ANKMY1: variants seen among roughly 807,000 people sequenced by gnomAD.
ANKMY1 encodes ankyrin repeat and MYND domain-containing protein 1.
ANKMY1 carries 98 observed loss-of-function variants against 102.0 expected under a neutral mutation model. The ratio of observed to expected loss-of-function variants is 0.96; its 90% CI spans 0.82 to 1.14. ANKMY1 has a LOEUF of 1.14. Ranked by LOEUF, ANKMY1 falls within the 50% of genes most tolerant of loss-of-function variation. The pLI is 0.00. For synonymous variants in ANKMY1, 582 were observed against 559.9 expected (o/e 1.04, Z -0.56); for missense variants, 1,330 against 1,347.6 (o/e 0.99, Z 0.20).
intron 6 of ANKMY1, 133 bp downstream of exon 6, chr2:240,526,096 G>T: frequency 8.7e-7 from 1 of 1,153,330 alleles, no homozygotes. Flanking sequence ...ACGGCGAGGT[G>T]GAGGTGTGGA....
chr2:240,494,381 C>A (rs1338751811), intron 15 of ANKMY1, among the ~76,000 whole-genome samples: 1 of 152,186 alleles, frequency 6.6e-6, no homozygotes, highest in Non-Finnish European at 1.5e-5. Flanking sequence ...GCCCAGCTCA[C>A]AACCAAGTCC....
At chr2:240,495,872 C>T (rs537094574) in intron 15 of ANKMY1, among the ~76,000 whole-genome samples, 1 of 152,324 alleles carries the variant, frequency 6.6e-6, no homozygotes, top group Admixed American at 6.5e-5. Context: ...CCCAGCCGAA[C>T]CCAGCCAGAG....
chr2:240,479,291 G>A (rs781124984), downstream of ANKMY1: 3 of 397,936 alleles, frequency 7.5e-6, no homozygotes, highest in Non-Finnish European at 1.4e-5. Context: ...ACCCTCACCT[G>A]CCTCGTCCAT....
At position 240,529,364 on chromosome 2, in the gene ANKMY1, T is replaced by C. The variant is rs933998332; in HGVS notation, c.626A>G (p.Glu209Gly). 2 of 1,614,048 alleles carry C rather than the reference T, an allele frequency of 1.2e-6. No individual in the cohort carries two copies. Among genetic ancestry groups the C allele is most frequent in the African/African-American group, 1.3e-5 (1 of 74,926 alleles). ...PSGFSLLRYP[E>G]FSSFITHSPA... ...GCTGTGGGTGATGAAGCTGGAGAAC[T>C]CAGGGTATCTGAGGAGGGAGAAGCC... is the stretch of plus-strand genomic sequence containing the variant. The change falls in exon 5 of 18, where the codon GAG becomes GGG. Residue 209 changes from glutamate (E) to glycine (G), a missense_variant. Transcript: ENST00000401804. This position sits in a 1 kb window ranked among gnomAD's most constrained non-coding sequence, Gnocchi z 4.2.
At chr2:240,502,565 C>T (rs931803205) in intron 13 of ANKMY1, among the ~76,000 whole-genome samples, 8 of 151,854 alleles carry the variant, frequency 5.3e-5, no homozygotes, top group African/African-American at 1.9e-4. Context: ...CATGTCCTCA[C>T]CCCTTCCTCC....
At chr2:240,478,132 C>CGAAG (rs2074981277), downstream of ANKMY1, among the ~76,000 whole-genome samples, 2 of 152,166 alleles carry the variant, frequency 1.3e-5, no homozygotes, top group African/African-American at 4.8e-5. Flanking sequence ...TCCAGCCATG[C>CGAAG]GAAGTGCCGG....
In ANKMY1 at chr2:240,517,918, G is replaced by A. The variant is rs77686475; in HGVS notation, c.2004+2444C>T. ...CTGTGATTTGCCTTTGGTGGAAGTG[G>A]GGGATTGGAAAGAAAGATTGCATTT... On this transcript the variant is annotated intron_variant, in intron 9 of 17. Transcript: ENST00000401804. Among the ~76,000 whole-genome samples the A allele has an allele frequency of 4.9e-4, 75 of 152,296 alleles. No individual in the cohort carries two copies. The East Asian group carries it at 9.3e-3, about 19-fold the overall frequency.
upstream of ANKMY1, chr2:240,558,077 G>T: frequency 1.3e-6 from 1 of 769,388 alleles, no homozygotes; most frequent in Non-Finnish European, 1.6e-6. Flanking sequence ...GGACGCACCC[G>T]GCCCCGCCTC....
intron 4 of ANKMY1, among the ~76,000 whole-genome samples, chr2:240,539,661 G>A (rs1177491840): frequency 6.6e-6 from 1 of 152,190 alleles, no homozygotes; most frequent in Non-Finnish European, 1.5e-5. Context: ...CAATGAAAAT[G>A]TATTAAGCAA....
rs34088616 is a variant in ANKMY1, at chr2:240,524,078, G to A, written c.1639C>T (p.Arg547Trp). Residue 547 changes from arginine (R) to tryptophan (W), a missense_variant, in exon 8 of 18, where the codon CGG becomes TGG. By Grantham distance (101) the Arg-to-Trp change is moderately radical. Transcript: ENST00000401804. ...GLEDVLGNTDRGSLCSAETKF... is the reference protein window; with the variant it reads ...GLEDVLGNTDWGSLCSAETKF... ...GTCTCAGCACTGCACAGACTGCCCC[G>A]GTCTGTGTTTCCCAACACGTCCTCA... 5.1e-4 allele frequency: 831 copies of A among 1,614,016 alleles called. 4 individuals carry two copies. In the African/African-American group the frequency reaches 7.8e-3, roughly 15 times the overall value.
intron 2 of ANKMY1, chr2:240,555,307 G>A: frequency 3.8e-6 from 2 of 526,422 alleles, no homozygotes; most frequent in South Asian, 2.5e-5. Flanking sequence ...CCAGGCTCTA[G>A]AGGCAGGACC....
At chr2:240,527,080 A>G in intron 5 of ANKMY1, 1 of 556,170 alleles carries the variant, frequency 1.8e-6, no homozygotes, top group Non-Finnish European at 2.3e-6. Context: ...TGATGGATGA[A>G]TGGATGGGTG....
chr2:240,511,133 CCT>C (rs979988116), intron 11 of ANKMY1, among the ~76,000 whole-genome samples: 30 of 152,290 alleles, frequency 2.0e-4, no homozygotes, highest in African/African-American at 7.2e-4. Context: ...TCCCCACCTC[CCT>C]GTCTGCCCAT....
intron 16 of ANKMY1, 42 bp from the exon 17 acceptor site, chr2:240,481,139 C>A: frequency 6.3e-7 from 1 of 1,586,424 alleles, no homozygotes; most frequent in Non-Finnish European, 8.6e-7. Context: ...CACTCCAGAA[C>A]CTGCTTCCCC....
At chr2:240,554,692 T>C (rs1397702182) in intron 3 of ANKMY1, 174 bp downstream of exon 3, 4 of 715,980 alleles carry the variant, frequency 5.6e-6, no homozygotes, top group Non-Finnish European at 9.0e-6. Context: ...GGGTGTGATT[T>C]TGGAAGTTGG....
At chr2:240,496,808 A>G (rs2077327223) in intron 15 of ANKMY1, among the ~76,000 whole-genome samples, 1 of 152,198 alleles carries the variant, frequency 6.6e-6, no homozygotes, top group African/African-American at 2.4e-5. Context: ...ATGGCTTCCT[A>G]GACTGATCCA....
At chr2:240,490,696 C>G (rs546555942) in intron 15 of ANKMY1, among the ~76,000 whole-genome samples, 1 of 152,014 alleles carries the variant, frequency 6.6e-6, no homozygotes, top group African/African-American at 2.4e-5. Flanking sequence ...GAGAAGATAC[C>G]TGGTATGATT....
intron 9 of ANKMY1, among the ~76,000 whole-genome samples, chr2:240,515,773 A>T (rs1018800474): frequency 6.6e-6 from 1 of 152,004 alleles, no homozygotes. Flanking sequence ...GCTGGAGTGC[A>T]GTGGCGCGAT....
Position 240,499,851 on chromosome 2 carries a change from G to T in ANKMY1, c.2806+107C>A, listed in dbSNP as rs978343293. ...AGCCGACGAGCCCAGCCCCAGGAAG[G>T]CCCCTCCAAGAGCCCCAGGGGGTCC... On this transcript the variant is annotated intron_variant, in intron 15 of 17. Coordinates refer to ENST00000401804, the MANE Select transcript of ANKMY1 (RefSeq NM_001282771.3). This position sits in a 1 kb window ranked among gnomAD's most constrained non-coding sequence, Gnocchi z 4.2. 2.8e-5 allele frequency: 38 copies of T among 1,373,832 alleles called. No individual in the cohort carries two copies. The highest frequency in any genetic ancestry group is 2.4e-4 in the Middle Eastern group (1 of 4,148). 85.1% of individuals were successfully genotyped at this position (1,373,832 alleles called of 1,614,324 possible).
Sources: gnomAD v4.1 joint callset for allele counts (sites outside exome capture counted in the v4.1 genomes callset) on GRCh38, gnomAD v4.1.1 for gene constraint, Gnocchi (gnomAD v3.1) non-coding constraint, MANE v1.5 for transcripts, NCBI Gene and HGNC (gene_info 2026-07-23, HGNC 2026-07-21) for gene names.